The following IPO4 variants were observed in gnomAD, a reference collection of about 807,000 sequenced individuals.
IPO4 encodes the protein importin 4, also known as importin-4.
Under a neutral mutation model 133.5 loss-of-function variants are expected in IPO4, and 91 were observed. The ratio of observed to expected loss-of-function variants is 0.68; its 90% CI spans 0.58 to 0.81. The LOEUF (loss-of-function observed/expected upper bound fraction) is 0.81, where lower values mean the gene tolerates loss of function less well. Among genes scored for constraint, IPO4 ranks in the 30% least tolerant of loss-of-function variants. The pLI is 0.00. For synonymous variants in IPO4, 607 were observed against 581.6 expected (o/e 1.04, Z -0.63); for missense variants, 1,279 against 1,386.2 (o/e 0.92, Z 1.23).
rs373886709 is a variant in IPO4, at chr14:24,184,025, C to T, written c.1842G>A (p.Leu614=). 80 of 1,549,156 alleles carry T rather than the reference C, an allele frequency of 5.2e-5. No homozygotes were observed. In the Middle Eastern group the frequency reaches 1.7e-3, roughly 32 times the overall value. Residue 614 remains leucine (L), a synonymous_variant, in exon 18 of 30, where the codon CTG becomes CTA. Coordinates refer to ENST00000354464, the MANE Select transcript of IPO4 (RefSeq NM_024658.4). ...HLEQITTLML[L]SLRSTEGIVP... ...CAATGCCCTCGGTGGAACGCAGTGACAGCAGCATGAGCGTGGTGATCTGTT... is the reference window on the plus strand; with the variant it reads ...CAATGCCCTCGGTGGAACGCAGTGATAGCAGCATGAGCGTGGTGATCTGTT...
rs1294899417 is a variant in IPO4 at position 24,188,545 on chromosome 14, G to A, written c.156+7C>T. Reference sequence around the variant, plus strand: ...GGAAGCTCGGAGGGGAGAGTCAGGGGTCTCACCTGGGGGTCGGCCGCCGAG... The same window carrying A: ...GGAAGCTCGGAGGGGAGAGTCAGGGATCTCACCTGGGGGTCGGCCGCCGAG... On this transcript the variant is annotated splice_region_variant and intron_variant, in intron 2 of 29. Transcript: ENST00000354464. The A allele has an allele frequency of 1.2e-6, 2 of 1,611,108 alleles. No individual in the cohort carries two copies. The highest frequency in any genetic ancestry group is 1.7e-5 in the Admixed American group (1 of 59,870).
At position 24,188,275 on chromosome 14, in the gene IPO4, G is replaced by C. The variant is rs1420050948; in HGVS notation, c.237-18C>G. On this transcript the variant is annotated intron_variant, in intron 3 of 29. Coordinates refer to ENST00000354464, the MANE Select transcript of IPO4 (RefSeq NM_024658.4). ...ACTTGAGGCTGGAACACAGGTGGCA[G>C]GTGTTTGGTACCCAGCCTGCCCAAG... The C allele has an allele frequency of 1.2e-6, 2 of 1,613,302 alleles. No individual in the cohort carries two copies. Among genetic ancestry groups the C allele is most frequent in the East Asian group, 2.2e-5 (1 of 44,866 alleles).
Position 24,186,161 on chromosome 14 carries a change from G to A in IPO4, c.1027C>T (p.His343Tyr), listed in dbSNP as rs776997904. 5.6e-6 allele frequency: 9 copies of A among 1,614,010 alleles called. No individual in the cohort carries two copies. In the Admixed American group the frequency reaches 6.7e-5, roughly 12 times the overall value. The change falls in exon 11 of 30, where the codon CAC (histidine) becomes TAC (tyrosine). Residue 343 changes from histidine to tyrosine, a missense_variant. Transcript: ENST00000354464. ...GGACAGAGCTTCTCGGGGGGCAGGTGTAGTGCCAGCATGTCCACAACCTGA... is the reference window on the plus strand; with the variant it reads ...GGACAGAGCTTCTCGGGGGGCAGGTATAGTGCCAGCATGTCCACAACCTGA... ...AVQVVDMLAL[H>Y]LPPEKLCPQL...
rs367854399 is a variant in IPO4 at position 24,186,237 on chromosome 14, G to A, written c.1005+50C>T. 20 of 1,607,600 alleles carry A rather than the reference G, an allele frequency of 1.2e-5. No individual in the cohort carries two copies. The African/African-American group carries it at 1.5e-4, about 12-fold the overall frequency. ...TTGACTCCATCTCTGCCTCCCCAACGTCCCACAGCCACCTAACACCTTCCC... is the reference window on the plus strand; with the variant it reads ...TTGACTCCATCTCTGCCTCCCCAACATCCCACAGCCACCTAACACCTTCCC... On this transcript the variant is annotated intron_variant, in intron 10 of 29. Coordinates refer to ENST00000354464, the MANE Select transcript of IPO4 (RefSeq NM_024658.4).
At chr14:24,188,525 C>G (rs2039261230) in intron 2 of IPO4, 27 bp downstream of exon 2, 1 of 1,609,736 alleles carries the variant, frequency 6.2e-7, no homozygotes, top group Non-Finnish European at 8.5e-7. Context: ...CAGTGGGAAG[C>G]TCGGAGGGGA....
rs373568185 is a variant in IPO4 at position 24,186,909 on chromosome 14, T to C, written c.725A>G (p.Tyr242Cys). ...LESEVPVITP[Y>C]LSEVLTFCLE... ...GCAGAATGTGAGGACTTCAGAGAGG[T>C]AGGGGGTGATGACCGGCACCTCTGA... Residue 242 changes from tyrosine (Y) to cysteine (C), a missense_variant, in exon 8 of 30, where the codon TAC becomes TGC. Tyr to Cys is a radical substitution (Grantham distance 194). Coordinates refer to ENST00000354464, the MANE Select transcript of IPO4 (RefSeq NM_024658.4). 5 of 1,613,610 alleles carry C rather than the reference T, an allele frequency of 3.1e-6. No homozygotes were observed. Among genetic ancestry groups the C allele is most frequent in the East Asian group, 2.2e-5 (1 of 44,854 alleles).
At position 24,188,731 on chromosome 14, in the gene IPO4, C is replaced by T. The variant is rs1305271829; in HGVS notation, c.57G>A (p.Glu19=). 10 of 1,561,148 alleles carry T rather than the reference C, an allele frequency of 6.4e-6. No individual in the cohort carries two copies. Among genetic ancestry groups the T allele is most frequent in the South Asian group, 2.4e-5 (2 of 84,408 alleles). Residue 19 remains glutamate (E), a synonymous_variant, in exon 1 of 30, where the codon GAG becomes GAA. Transcript: ENST00000354464. The part of the protein sequence containing the change: ...LLRELLLPDT[E]RIRRATEQLQ... ...GCCTGCTCCGTACCCGACGGATGCG[C>T]TCGGTGTCCGGTAGCAGCAGCTCCC...
Position 24,180,359 on chromosome 14 carries a change from T to G in IPO4, c.*83A>C. ...TGGGTATGAGTCTCAGAATCTTTGG[T>G]AAGGCAGAACTGAACTGGGCTGAGA... is the stretch of plus-strand genomic sequence containing the variant. On this transcript the variant is annotated 3_prime_UTR_variant, in exon 30 of 30. Coordinates refer to ENST00000354464, the MANE Select transcript of IPO4 (RefSeq NM_024658.4). The G allele has an allele frequency of 6.5e-7, 1 of 1,531,984 alleles. No homozygotes were observed. Among genetic ancestry groups the G allele is most frequent in the Non-Finnish European group, 8.8e-7 (1 of 1,135,430 alleles). 94.9% of individuals were successfully genotyped at this position (1,531,984 alleles called of 1,614,324 possible).
intron 16 of IPO4, 88 bp downstream of exon 16, chr14:24,184,562 G>A (rs537901073): frequency 1.7e-5 from 24 of 1,404,080 alleles, no homozygotes; most frequent in African/African-American, 1.3e-4. Flanking sequence ...GAAGACATCC[G>A]TGCTCCTGTG....
chr14:24,184,261 G>A (rs1490268643), intron 17 of IPO4, 37 bp downstream of exon 17: 14 of 1,572,812 alleles, frequency 8.9e-6, no homozygotes, highest in Non-Finnish European at 1.2e-5. Context: ...CAGGAGGGGA[G>A]GGGACAAGGG....
Position 24,187,778 on chromosome 14 carries a change from G to A in IPO4, c.297C>T (p.Ser99=). 3 of 1,614,180 alleles carry A rather than the reference G, an allele frequency of 1.9e-6. No homozygotes were observed. The highest frequency in any genetic ancestry group is 2.5e-6 in the Non-Finnish European group (3 of 1,180,026). The change falls in exon 5 of 30, where the codon AGC becomes AGT. Residue 99 remains serine (S), a synonymous_variant. Coordinates refer to ENST00000354464, the MANE Select transcript of IPO4 (RefSeq NM_024658.4). ...QRETEHCVSL[S]LAQLSATIFR... ...AAATGGTGGCTGAGAGCTGGGCCAG[G>A]CTGAGGCTCACACAGTGCCTGCAAA...
rs201767926 is a variant in IPO4, at chr14:24,183,059, G to A, written c.2338C>T (p.Arg780Cys). 88 of 1,613,692 alleles carry A rather than the reference G, an allele frequency of 5.5e-5. No individual in the cohort carries two copies. Among genetic ancestry groups the A allele is most frequent in the South Asian group, 8.8e-5 (8 of 91,086 alleles). ...TTCAGTGTGAGGGTCCCACAGCTGC[G>A]GAGCACCCCTGTCAGGGCCTCCAGC... ...AVLEALTGVL[R>C]SCGTLTLKPP... Residue 780 changes from arginine to cysteine, a missense_variant, in exon 23 of 30, where the codon CGC (arginine) becomes TGC (cysteine). Transcript: ENST00000354464.
chr14:24,182,540 G>A (rs2039157611), intron 24 of IPO4, 137 bp from the exon 25 acceptor site: 3 of 1,270,120 alleles, frequency 2.4e-6, no homozygotes, highest in Admixed American at 2.2e-5. Flanking sequence ...CAAGCTGGGT[G>A]TTTCCATGAC....
chr14:24,188,049 C>G, intron 4 of IPO4, 167 bp downstream of exon 4: 2 of 806,572 alleles, frequency 2.5e-6, no homozygotes, highest in Non-Finnish European at 4.0e-6. Context: ...AGATCATCAT[C>G]ACCCTTCCTC....
rs1488217647 is a variant in IPO4, at chr14:24,187,138, T to A, written c.601A>T (p.Met201Leu). Residue 201 changes from methionine (M) to leucine (L), a missense_variant, in exon 7 of 30, where the codon ATG becomes TTG. Around this residue, in one of 3 missense-constraint regions of IPO4, gnomAD observed 695 missense variants for 704.1 expected, o/e 0.99. Coordinates refer to ENST00000354464, the MANE Select transcript of IPO4 (RefSeq NM_024658.4). Reference protein sequence around the residue: ...LSTEDVPLARMLVPKLIMAMQ... With the variant: ...LSTEDVPLARLLVPKLIMAMQ... ...GCCATGATCAGCTTGGGCACCAACA[T>A]CCGAGCGAGAGGCTGAGGGACACAT... 1.2e-6 allele frequency: 2 copies of A among 1,613,572 alleles called. No individual in the cohort carries two copies. The highest frequency in any genetic ancestry group is 2.7e-5 in the African/African-American group (2 of 74,854).
At chr14:24,184,575 G>A (rs2039190936) in intron 16 of IPO4, 75 bp downstream of exon 16, 1 of 1,411,232 alleles carries the variant, frequency 7.1e-7, no homozygotes, top group Non-Finnish European at 9.6e-7. Context: ...CTCCTGTGGG[G>A]GCAATCTGTC....
chr14:24,186,592 C>A, intron 9 of IPO4, 116 bp downstream of exon 9: 1 of 1,357,822 alleles, frequency 7.4e-7, no homozygotes, highest in Non-Finnish European at 1.0e-6. Context: ...GAGGCCAGGC[C>A]AAGGCTTGAA....
intron 4 of IPO4, 46 bp from the exon 5 acceptor site, chr14:24,187,842 T>C (rs1430565229): frequency 6.2e-7 from 1 of 1,609,088 alleles, no homozygotes; most frequent in Admixed American, 1.7e-5. Flanking sequence ...AATACCTTCC[T>C]CTGCACACAG....
chr14:24,188,087 A>T (rs1468624429), intron 4 of IPO4, 129 bp downstream of exon 4: 1 of 1,029,952 alleles, frequency 9.7e-7, no homozygotes, highest in Non-Finnish European at 1.5e-6. Context: ...AAACAGCCTT[A>T]AAATCCTCAC....
Sources: gnomAD v4.1 joint callset for allele counts on GRCh38, gnomAD v4.1.1 for gene constraint, gnomAD v4.1.1 regional missense constraint, MANE v1.5 for transcripts, NCBI Gene and HGNC (gene_info 2026-07-23, HGNC 2026-07-21) for gene names.